DST: variants seen among roughly 807,000 people sequenced by gnomAD.
The protein encoded by DST is dystonin, also known as bullous pemphigoid antigen.
DST carries 253 observed loss-of-function variants against 875.2 expected under a neutral mutation model. That is an observed-to-expected ratio of 0.29 (90% CI 0.26 to 0.32). DST has a LOEUF of 0.32. DST is among the 10% of genes least tolerant of loss of function. The pLI is 1.00. For missense variants in DST, 8,287 were observed against 9,111.6 expected, an observed-to-expected ratio of 0.91 and a Z score of 3.68; for synonymous variants, 3,124 against 3,197.1, an observed-to-expected ratio of 0.98 and a Z score of 0.77.
intron 4 of DST, among the ~76,000 whole-genome samples, chr6:56,811,437 G>C (rs1346240325): frequency 1.3e-5 from 2 of 152,146 alleles, no homozygotes; most frequent in Non-Finnish European, 2.9e-5. Context: ...GGATGCTATA[G>C]CATCATCAAT....
intron 61 of DST, among the ~76,000 whole-genome samples, chr6:56,543,053 A>AC (rs2097163530): frequency 1.3e-5 from 2 of 152,170 alleles, no homozygotes; most frequent in African/African-American, 4.8e-5. Flanking sequence ...CACCGCGGAA[A>AC]CCCCGCCGAC....
rs2099265503 is a variant in DST, at chr6:56,696,602, A to G, written c.1047+3051T>C. On this transcript the variant is annotated intron_variant, in intron 9 of 103. Coordinates refer to ENST00000680361, the MANE Select transcript of DST (RefSeq NM_001374736.1). ...TTTCTCAAACTCAGCCTCTAAATACACTGCTTCTACCTCCCAACCCTTTTG... is the reference window on the plus strand; with the variant it reads ...TTTCTCAAACTCAGCCTCTAAATACGCTGCTTCTACCTCCCAACCCTTTTG... Among the ~76,000 whole-genome samples, 3 of 152,118 alleles carry G rather than the reference A, an allele frequency of 2.0e-5. No individual in the cohort carries two copies. The South Asian group carries it at 6.2e-4, about 32-fold the overall frequency.
intron 54 of DST, among the ~76,000 whole-genome samples, chr6:56,569,243 T>G (rs1423109954): frequency 1.4e-5 from 2 of 146,054 alleles, no homozygotes; most frequent in African/African-American, 5.1e-5. Context: ...GAGAATGGCG[T>G]GAACCCAGGA....
chr6:56,743,614 ATGT>A (rs1433830247), intron 4 of DST, among the ~76,000 whole-genome samples: 1 of 152,142 alleles, frequency 6.6e-6, no homozygotes, highest in Non-Finnish European at 1.5e-5. Flanking sequence ...TATTTGCCAG[ATGT>A]TGTTCTCAAT....
chr6:56,775,989 T>C (rs2099678338), intron 4 of DST, among the ~76,000 whole-genome samples: 2 of 152,168 alleles, frequency 1.3e-5, no homozygotes, highest in Non-Finnish European at 2.9e-5. Context: ...AATAATGATG[T>C]AAGTAAGGAT....
At chr6:56,477,551 C>T (rs1488775193) in intron 90 of DST, 63 bp from the exon 91 acceptor site, 6 of 1,595,318 alleles carry the variant, frequency 3.8e-6, no homozygotes, top group African/African-American at 1.3e-5. Context: ...ACTCTGGTGG[C>T]ATTTGTTTGA....
chr6:56,780,553 G>A (rs2099691091), intron 4 of DST, among the ~76,000 whole-genome samples: 2 of 152,146 alleles, frequency 1.3e-5, no homozygotes, highest in South Asian at 4.2e-4. Flanking sequence ...CATATCCTTT[G>A]CCCACTTTTT....
intron 9 of DST, among the ~76,000 whole-genome samples, chr6:56,679,236 A>C (rs1488776283): frequency 6.6e-6 from 1 of 151,840 alleles, no homozygotes; most frequent in Non-Finnish European, 1.5e-5. Flanking sequence ...CTTTGTCCTT[A>C]CTCTGCAACC....
At chr6:56,469,108 A>G (rs2094743723) in intron 97 of DST, 109 bp from the exon 98 acceptor site, 4 of 836,208 alleles carry the variant, frequency 4.8e-6, no homozygotes, top group Non-Finnish European at 7.3e-6. Context: ...TGGATGTAGT[A>G]TCTAGTTTAG....
At chr6:56,561,721 T>C (rs1188455794) in intron 56 of DST, among the ~76,000 whole-genome samples, 172 bp from the exon 57 acceptor site, 1 of 152,182 alleles carries the variant, frequency 6.6e-6, no homozygotes, top group African/African-American at 2.4e-5. Flanking sequence ...CATCTTATAA[T>C]GCTATTTAGT....
Position 56,608,933 on chromosome 6 carries a change from G to A in DST, c.5695C>T (p.Gln1899Ter). ...EQLTLQKAFQ[Q>*]NLVSSALFSK... The stretch of plus-strand genomic sequence containing the variant: ...AATAATGCTGAGGAAACCAAGTTCT[G>A]TTGGAAAGCCTTCTGTAGGGTCAAC... Residue 1899 changes from glutamine (Q) to a stop codon, truncating the protein, a stop_gained, in exon 40 of 104, where the codon CAG becomes TAG. Coordinates refer to ENST00000680361, the MANE Select transcript of DST (RefSeq NM_001374736.1). LOFTEE classifies it high-confidence loss of function. 1 of 1,613,810 alleles carries A rather than the reference G, an allele frequency of 6.2e-7. No individual in the cohort carries two copies. The highest frequency in any genetic ancestry group is 1.7e-4 in the Middle Eastern group (1 of 6,058).
In DST at chr6:56,954,574, G is replaced by A; in HGVS notation, c.14C>T (p.Ala5Val). ...GTAGGGTCTCAGCAAGACGAGGAAA[G>A]CCGCGGCGATCATGGTGCGGGCGAG... MIAA[A>V]FLVLLRPYSI... Residue 5 changes from alanine to valine, a missense_variant, in exon 1 of 104, where the codon GCT (alanine) becomes GTT (valine). Around this residue, in one of 10 missense-constraint regions of DST, gnomAD observed 1,160 missense variants for 1,424.3 expected, o/e 0.81. Coordinates refer to ENST00000680361, the MANE Select transcript of DST (RefSeq NM_001374736.1). 1 of 1,359,556 alleles carries A rather than the reference G, an allele frequency of 7.4e-7. No individual in the cohort carries two copies. Among genetic ancestry groups the A allele is most frequent in the Non-Finnish European group, 9.8e-7 (1 of 1,018,222 alleles). The allele number at this position is 1,359,556 out of a possible 1,614,324, so 84.2% of individuals were successfully genotyped here. A position where few individuals can be genotyped will look rare whatever the true frequency, so the allele number is the denominator to read the frequency against.
intron 57 of DST, 62 bp from the exon 58 acceptor site, chr6:56,560,485 T>G: frequency 6.7e-7 from 1 of 1,486,976 alleles, no homozygotes; most frequent in Non-Finnish European, 9.1e-7. Flanking sequence ...ACAATAATGA[T>G]AGAGCATTAT....
chr6:56,662,244 T>C (rs1360535704), intron 10 of DST, among the ~76,000 whole-genome samples: 1 of 152,072 alleles, frequency 6.6e-6, no homozygotes, highest in African/African-American at 2.4e-5. Flanking sequence ...CAGAAGTACG[T>C]CTCAAAATTT....
Position 56,624,608 on chromosome 6 carries a change from T to C in DST, c.4851A>G (p.Arg1617=), listed in dbSNP as rs762100685. ...TCATGAGAGTGACCAGGGCAGTATA[T>C]CGAGTCCTTAGGTCCATGAACTGCA... The part of the protein sequence containing the change: ...IIQEFMDLRT[R]YTALVTLMTQ... The change falls in exon 36 of 104, where the codon CGA becomes CGG. Residue 1617 remains arginine (R), a synonymous_variant. Coordinates refer to ENST00000680361, the MANE Select transcript of DST (RefSeq NM_001374736.1). The C allele has an allele frequency of 2.6e-5, 42 of 1,612,750 alleles. No homozygotes were observed. The Admixed American group carries it at 6.5e-4, about 25-fold the overall frequency.
At chr6:56,905,858 A>G (rs930245040) in intron 2 of DST, among the ~76,000 whole-genome samples, 5 of 152,178 alleles carry the variant, frequency 3.3e-5, no homozygotes, top group African/African-American at 9.7e-5. Context: ...CTTGTTGCCC[A>G]GGCTGGTCTT....
intron 4 of DST, among the ~76,000 whole-genome samples, chr6:56,783,862 C>A (rs1393064266): frequency 1.3e-5 from 2 of 152,108 alleles, no homozygotes; most frequent in African/African-American, 2.4e-5. Context: ...GCGGCTGGTA[C>A]CTGTTGTGCC....
chr6:56,615,808 G>C, intron 36 of DST: 4 of 1,614,024 alleles, frequency 2.5e-6, no homozygotes, highest in Non-Finnish European at 3.4e-6. Flanking sequence ...CCAAACATCG[G>C]ATTCCCATTT....
At position 56,552,832 on chromosome 6, in the gene DST, T is replaced by G. The variant is rs1418421837; in HGVS notation, c.15960A>C (p.Lys5320Asn). 5.0e-6 allele frequency: 8 copies of G among 1,613,164 alleles called. No individual in the cohort carries two copies. The highest frequency in any genetic ancestry group is 4.2e-6 in the Non-Finnish European group (5 of 1,179,890). The change falls in exon 61 of 104, where the codon AAA (lysine) becomes AAC (asparagine). Residue 5320 changes from lysine (K) to asparagine (N), a missense_variant. Coordinates refer to ENST00000680361, the MANE Select transcript of DST (RefSeq NM_001374736.1). ...CCTGATGCTTCAAGGCCTGAAGTGATTTCTGCTGAGTTTGCAACATGGTCA... is the reference window on the plus strand; with the variant it reads ...CCTGATGCTTCAAGGCCTGAAGTGAGTTCTGCTGAGTTTGCAACATGGTCA... ...KYLTMLQTQQ[K>N]SLQALKHQVD...
Sources: allele counts gnomAD v4.1 joint callset (sites outside exome capture counted in the v4.1 genomes callset), GRCh38; gene constraint gnomAD v4.1.1; regional missense constraint gnomAD v4.1.1; transcripts MANE v1.5; gene names NCBI Gene and HGNC (gene_info 2026-07-23, HGNC 2026-07-21).